NLRP3: variants seen among roughly 807,000 people sequenced by gnomAD.
NLRP3 encodes NACHT, LRR and PYD domains-containing protein 3.
In NLRP3, 48 loss-of-function variants were observed where a neutral mutation model predicts 91.3. That is an observed-to-expected ratio of 0.53 (90% CI 0.42 to 0.67). The LOEUF is 0.67. NLRP3 is among the 30% of genes least tolerant of loss of function. NLRP3 has a pLI of 0.00. For synonymous variants in NLRP3, 561 were observed against 507.9 expected, an observed-to-expected ratio of 1.10 and a Z score of -1.41; for missense variants, 982 against 1,276.9, an observed-to-expected ratio of 0.77 and a Z score of 3.52.
chr1:247,441,478 C>T (rs976933658), intron 7 of NLRP3, among the ~76,000 whole-genome samples: 1 of 152,150 alleles, frequency 6.6e-6, no homozygotes, highest in Admixed American at 6.5e-5. Flanking sequence ...GTCTCAAACT[C>T]CTGGCCTCAA....
chr1:247,440,294 T>A (rs1664119978), intron 7 of NLRP3, among the ~76,000 whole-genome samples: 1 of 152,192 alleles, frequency 6.6e-6, no homozygotes, highest in Non-Finnish European at 1.5e-5. Flanking sequence ...TTCTCTGACC[T>A]GCTCCTGCCC....
At chr1:247,443,755 C>G (rs564857187) in intron 7 of NLRP3, among the ~76,000 whole-genome samples, 20 of 152,262 alleles carry the variant, frequency 1.3e-4, no homozygotes, top group African/African-American at 4.3e-4. Flanking sequence ...CTGTCGGACT[C>G]ATACAGCAAA....
rs200532076 is a variant in NLRP3 at position 247,429,540 on chromosome 1, T to C, written c.2151-45T>C. 158 of 1,606,662 alleles carry C rather than the reference T, an allele frequency of 9.8e-5. 2 individuals carry two copies. In the South Asian group the frequency reaches 1.7e-3, roughly 18 times the overall value. On this transcript the variant is annotated intron_variant, in intron 4 of 9. Coordinates refer to ENST00000336119, the MANE Select transcript of NLRP3 (RefSeq NM_001243133.2). ...GGCCCCCAGCTCCAGTTAGTTATTA[T>C]TCGAGGCTGATTTCTTTTCTGTCTG...
In NLRP3 at chr1:247,424,927, A is replaced by G. The variant is rs768582957; in HGVS notation, c.1478A>G (p.Gln493Arg). 6.2e-7 allele frequency: 1 copy of G among 1,613,498 alleles called. No homozygotes were observed. The highest frequency in any genetic ancestry group is 2.2e-5 in the East Asian group (1 of 44,880). ...TCCGACCTCAGGAATCATGGACTGC[A>G]GAAGGCGGATGTGTCTGCTTTCCTG... ...EESDLRNHGL[Q>R]KADVSAFLRM... is the part of the protein sequence containing the mutation. Residue 493 changes from glutamine (Q) to arginine (R), a missense_variant, in exon 4 of 10, where the codon CAG becomes CGG. By Grantham distance (43) the Gln-to-Arg change is conservative. This residue lies in a region of NLRP3 where 548 missense variants were observed against 713.7 expected (regional missense o/e 0.77). Coordinates refer to ENST00000336119, the MANE Select transcript of NLRP3 (RefSeq NM_001243133.2). The surrounding 1 kb of genome is among the most constrained non-coding windows in gnomAD (Gnocchi z 8.1).
chr1:247,439,049 C>CATCCATCCATCT (rs1664020536), intron 7 of NLRP3, among the ~76,000 whole-genome samples: 1 of 151,966 alleles, frequency 6.6e-6, no homozygotes, highest in Admixed American at 6.6e-5. Flanking sequence ...TCCATCCATC[C>CATCCATCCATCT]ATCCATCCAT....
rs754893352 is a variant in NLRP3, at chr1:247,448,552, C to G, written c.*48C>G. ...CGCCAGTGTTCTCCGGTCCCTCCAG[C>G]TGGGGGCCCTCAGGTGGAGAGAGCT... On this transcript the variant is annotated 3_prime_UTR_variant, in exon 10 of 10. Transcript: ENST00000336119. 5.3e-6 allele frequency: 6 copies of G among 1,135,298 alleles called. No individual in the cohort carries two copies. Among genetic ancestry groups the G allele is most frequent in the Admixed American group, 1.7e-5 (1 of 59,314 alleles). 70.3% of individuals were successfully genotyped at this position (1,135,298 alleles called of 1,614,324 possible).
Position 247,425,500 on chromosome 1 carries a change from A to T in NLRP3, c.2051A>T (p.Asn684Ile). ...VESLSLGFLH[N>I]MPKEEEEEEK... ...TCACTGTCCCTGGGGTTTCTCCATA[A>T]CATGCCCAAGGAGGAAGAGGAGGAG... Residue 684 changes from asparagine (N) to isoleucine (I), a missense_variant, in exon 4 of 10, where the codon AAC becomes ATC. By Grantham distance (149) the Asn-to-Ile change is moderately radical. Transcript: ENST00000336119. The surrounding 1 kb of genome is among the most constrained non-coding windows in gnomAD (Gnocchi z 4.1). 1.9e-6 allele frequency: 3 copies of T among 1,614,112 alleles called. No homozygotes were observed. The highest frequency in any genetic ancestry group is 2.5e-6 in the Non-Finnish European group (3 of 1,180,026).
At position 247,423,436 on chromosome 1, in the gene NLRP3, A is replaced by G. The variant is rs1273786501; in HGVS notation, c.397+87A>G. The G allele has an allele frequency of 3.3e-6, 5 of 1,497,056 alleles. No homozygotes were observed. In the Admixed American group the frequency reaches 6.7e-5, roughly 20 times the overall value. The allele number at this position is 1,497,056 out of a possible 1,614,324, so 92.7% of individuals were successfully genotyped here. A position where few individuals can be genotyped will look rare whatever the true frequency, so the allele number is the denominator to read the frequency against. ...AGCTGAGCAGCTGGGTAACTTGGCCATACTATAGGTTCCTGCTCTTTGGAA... is the reference window on the plus strand; with the variant it reads ...AGCTGAGCAGCTGGGTAACTTGGCCGTACTATAGGTTCCTGCTCTTTGGAA... On this transcript the variant is annotated intron_variant, in intron 3 of 9. Coordinates refer to ENST00000336119, the MANE Select transcript of NLRP3 (RefSeq NM_001243133.2).
chr1:247,438,556 G>A (rs1181979450), intron 7 of NLRP3, among the ~76,000 whole-genome samples: 3 of 152,010 alleles, frequency 2.0e-5, no homozygotes, highest in Non-Finnish European at 4.4e-5. Context: ...GCTAATTTTT[G>A]TATTTTTAGT....
rs772099158 is a variant in NLRP3, at chr1:247,425,513, G to A, written c.2064G>A (p.Glu688=). 1.9e-6 allele frequency: 3 copies of A among 1,614,128 alleles called. No individual in the cohort carries two copies. Among genetic ancestry groups the A allele is most frequent in the Non-Finnish European group, 2.5e-6 (3 of 1,180,042 alleles). Residue 688 remains glutamate, a synonymous_variant, in exon 4 of 10, where the codon GAG becomes GAA. Transcript: ENST00000336119. The surrounding 1 kb of genome is among the most constrained non-coding windows in gnomAD (Gnocchi z 4.1). Reference sequence around the variant, plus strand: ...GGTTTCTCCATAACATGCCCAAGGAGGAAGAGGAGGAGGAAAAGGAAGGCC... The same window carrying A: ...GGTTTCTCCATAACATGCCCAAGGAAGAAGAGGAGGAGGAAAAGGAAGGCC... ...SLGFLHNMPK[E]EEEEEKEGRH...
At chr1:247,446,152 T>C (rs1321203009) in intron 9 of NLRP3, among the ~76,000 whole-genome samples, 3 of 152,196 alleles carry the variant, frequency 2.0e-5, no homozygotes, top group Admixed American at 2.0e-4. Flanking sequence ...ATGTCCAATG[T>C]GTCAGCACAT....
intron 9 of NLRP3, 77 bp from the exon 10 acceptor site, chr1:247,448,328 G>A: frequency 1.5e-6 from 1 of 687,962 alleles, no homozygotes; most frequent in Non-Finnish European, 2.7e-6. Context: ...GAAATGAAGA[G>A]ATGAGACTTT....
intron 9 of NLRP3, 64 bp downstream of exon 9, chr1:247,444,885 AT>A (rs1664491238): frequency 6.4e-7 from 1 of 1,555,138 alleles, no homozygotes; most frequent in Non-Finnish European, 8.8e-7. Flanking sequence ...GTTGACTGTT[AT>A]CAAAATCCAG....
At chr1:247,440,645 G>C (rs970067454) in intron 7 of NLRP3, among the ~76,000 whole-genome samples, 2 of 152,092 alleles carry the variant, frequency 1.3e-5, no homozygotes, top group African/African-American at 4.8e-5. Context: ...GGCTGAATTT[G>C]AATTCCTGGG....
chr1:247,433,469 G>A (rs964447751), intron 5 of NLRP3, among the ~76,000 whole-genome samples: 1 of 152,190 alleles, frequency 6.6e-6, no homozygotes, highest in African/African-American at 2.4e-5. Context: ...ATGTCTGGGG[G>A]GTGATCTCAA....
chr1:247,445,623 T>A (rs1404707034), intron 9 of NLRP3, among the ~76,000 whole-genome samples: 1 of 152,204 alleles, frequency 6.6e-6, no homozygotes, highest in Non-Finnish European at 1.5e-5. Context: ...GAGGTAGTCG[T>A]CTCCTCTCTA....
chr1:247,443,947 G>A (rs762581124), intron 7 of NLRP3, 25 bp from the exon 8 acceptor site: 2 of 1,613,050 alleles, frequency 1.2e-6, no homozygotes, highest in South Asian at 1.1e-5. Flanking sequence ...GGGTACTGAG[G>A]ACTCTTCTCC....
In NLRP3 at chr1:247,444,142, A is replaced by G. The variant is rs200794776; in HGVS notation, c.2834A>G (p.Glu945Gly). The G allele has an allele frequency of 1.2e-6, 2 of 1,614,182 alleles. No homozygotes were observed. Among genetic ancestry groups the G allele is most frequent in the Admixed American group, 3.3e-5 (2 of 60,014 alleles). The change falls in exon 8 of 10, where the codon GAA (glutamate) becomes GGA (glycine). Residue 945 changes from glutamate to glycine, a missense_variant and splice_region_variant. Around this residue, in one of 5 missense-constraint regions of NLRP3, gnomAD observed 373 missense variants for 431.5 expected, o/e 0.86. Coordinates refer to ENST00000336119, the MANE Select transcript of NLRP3 (RefSeq NM_001243133.2). ...CCCGACTGCAAGCTTCAGGTGTTGG[A>G]GTAAGTCCTTTGGTTTATTACAGCA... ...LHPDCKLQVL[E>G]LDNCNLTSHC...
chr1:247,424,314 G>A lies in NLRP3; in HGVS notation c.865G>A (p.Val289Met), dbSNP rs145092553. 7.4e-6 allele frequency: 12 copies of A among 1,613,728 alleles called. No homozygotes were observed. The highest frequency in any genetic ancestry group is 3.3e-4 in the Middle Eastern group (2 of 6,084). ...CCCAAACCCACCCATCCACAAGATC[G>A]TGAGAAAACCCTCCAGAATCCTCTT... Reference protein sequence around the residue: ...PDPNPPIHKIVRKPSRILFLM... With the variant: ...PDPNPPIHKIMRKPSRILFLM... Residue 289 changes from valine (V) to methionine (M), a missense_variant, in exon 4 of 10, where the codon GTG becomes ATG. Around this residue, in one of 5 missense-constraint regions of NLRP3, gnomAD observed 548 missense variants for 713.7 expected, o/e 0.77. Coordinates refer to ENST00000336119, the MANE Select transcript of NLRP3 (RefSeq NM_001243133.2). The surrounding 1 kb of genome is among the most constrained non-coding windows in gnomAD (Gnocchi z 8.1).
Sources: allele counts gnomAD v4.1 joint callset (sites outside exome capture counted in the v4.1 genomes callset), GRCh38; gene constraint gnomAD v4.1.1; regional missense constraint gnomAD v4.1.1; non-coding constraint Gnocchi (gnomAD v3.1); transcripts MANE v1.5; gene names NCBI Gene and HGNC (gene_info 2026-07-23, HGNC 2026-07-21).